STK39: variants seen among roughly 807,000 people sequenced by gnomAD.
STK39 encodes the protein serine/threonine kinase 39.
Under a neutral mutation model 77.8 loss-of-function variants are expected in STK39, and 20 were observed. That is an observed-to-expected ratio of 0.26 (90% CI 0.18 to 0.37). The LOEUF is 0.37. Among genes scored for constraint, STK39 ranks in the 10% least tolerant of loss-of-function variants. The pLI, the probability that STK39 is intolerant of heterozygous loss-of-function variation, is 1.00. For missense variants in STK39, 479 were observed against 656.5 expected (o/e 0.73, Z 2.95); for synonymous variants, 246 against 234.1 (o/e 1.05, Z -0.47).
At chr2:168,214,056 T>C (rs1032695968) in intron 1 of STK39, among the ~76,000 whole-genome samples, 1 of 152,102 alleles carries the variant, frequency 6.6e-6, no homozygotes, top group African/African-American at 2.4e-5. Flanking sequence ...GAGAGGCCGG[T>C]GGACAACAGT....
At chr2:168,242,560 A>ATAT (rs1553464984) in intron 1 of STK39, among the ~76,000 whole-genome samples, 29 of 44,840 alleles carry the variant, frequency 6.5e-4, no homozygotes, top group Admixed American at 7.7e-4. Context: ...AAAAAAAAAA[A>ATAT]ATATATATAT....
At chr2:167,965,885 C>G (rs1692145177) in intron 16 of STK39, among the ~76,000 whole-genome samples, 1 of 152,150 alleles carries the variant, frequency 6.6e-6, no homozygotes, top group Non-Finnish European at 1.5e-5. Context: ...CTAAGGTCGA[C>G]TGACAACAAC....
In STK39 at chr2:168,176,943, C is replaced by T. The variant is rs76654988; in HGVS notation, c.321+5035G>A. 4.4e-3 allele frequency among the ~76,000 whole-genome samples: 670 copies of T among 152,220 alleles called. 6 individuals are homozygous for T. Among genetic ancestry groups the T allele is most frequent in the African/African-American group, 0.015 (641 of 41,546 alleles). ...GGTTTTGTTAATATACTTTTAAATA[C>T]ATAGATTCATAGCACTTGGGTAATA... On this transcript the variant is annotated intron_variant, in intron 2 of 17. Transcript: ENST00000355999.
intron 14 of STK39, among the ~76,000 whole-genome samples, chr2:168,029,539 T>C (rs1478083357): frequency 1.3e-5 from 2 of 152,206 alleles, no homozygotes; most frequent in Non-Finnish European, 1.5e-5. Flanking sequence ...ATGGCATTTC[T>C]GCTGGGAGCT....
chr2:168,010,842 TA>T (rs748494737), intron 16 of STK39, among the ~76,000 whole-genome samples: 2 of 152,234 alleles, frequency 1.3e-5, no homozygotes, highest in Admixed American at 6.5e-5. Context: ...TACTCTTATT[TA>T]CATAAAATAA....
chr2:168,247,544 C>CCCGCCGCCGCCA lies in STK39; in HGVS notation c.-110_-109insTGGCGGCGGCGG. On this transcript the variant is annotated 5_prime_UTR_variant, in exon 1 of 18. Coordinates refer to ENST00000355999, the MANE Select transcript of STK39 (RefSeq NM_013233.3). ...TCTCGGCCGGCGCACGCCCTCCCCG[C>CCCGCCGCCGCCA]CCGCCGCCGCCGCCGCCGTCCCCGC... 2.1e-6 allele frequency: 1 copy of CCCGCCGCCGCCA among 478,040 alleles called. No homozygotes were observed. Among genetic ancestry groups the CCCGCCGCCGCCA allele is most frequent in the Non-Finnish European group, 2.9e-6 (1 of 348,370 alleles). 29.6% of individuals were successfully genotyped at this position (478,040 alleles called of 1,614,324 possible). A position where few individuals can be genotyped will look rare whatever the true frequency, so the allele number is the denominator to read the frequency against.
chr2:167,977,708 T>G (rs1683316623), intron 16 of STK39, among the ~76,000 whole-genome samples: 1 of 152,178 alleles, frequency 6.6e-6, no homozygotes, highest in Non-Finnish European at 1.5e-5. Context: ...CCCTCTGAAT[T>G]GTGGGCAAAA....
intron 1 of STK39, among the ~76,000 whole-genome samples, chr2:168,236,450 G>T (rs981414181): frequency 1.3e-5 from 2 of 152,162 alleles, no homozygotes; most frequent in African/African-American, 4.8e-5. Flanking sequence ...AAGCTGTTTA[G>T]TTTAATTACA....
At chr2:167,956,728 T>TCCC (rs1235889078) in intron 17 of STK39, among the ~76,000 whole-genome samples, 81 of 53,554 alleles carry the variant, frequency 1.5e-3, no homozygotes, top group Non-Finnish European at 1.9e-3. Flanking sequence ...TCTCTCTCTC[T>TCCC]CCCCCCCCGC....
At chr2:168,194,883 T>C (rs923255861) in intron 1 of STK39, among the ~76,000 whole-genome samples, 7 of 152,186 alleles carry the variant, frequency 4.6e-5, no homozygotes, top group Admixed American at 4.6e-4. Flanking sequence ...TATTGATTTT[T>C]TTTTAATTGA....
intron 14 of STK39, among the ~76,000 whole-genome samples, chr2:168,028,154 A>G (rs1268707637): frequency 6.6e-6 from 1 of 151,780 alleles, no homozygotes; most frequent in African/African-American, 2.4e-5. Context: ...TTTTTTCTCT[A>G]TTACATAATA....
chr2:168,033,197 C>T (rs145328427), intron 14 of STK39, among the ~76,000 whole-genome samples: 81 of 151,630 alleles, frequency 5.3e-4, no homozygotes, highest in African/African-American at 1.8e-3. Context: ...TTTCTAGGTA[C>T]GGAAGTCAGC....
chr2:168,092,905 G>A (rs73019411), intron 10 of STK39, among the ~76,000 whole-genome samples: 2,688 of 152,264 alleles, frequency 0.018, 47 homozygotes, highest in East Asian at 0.085. Flanking sequence ...TGCAGGCTAC[G>A]CACTCCCAGG....
intron 16 of STK39, among the ~76,000 whole-genome samples, chr2:167,995,738 G>A (rs572363805): frequency 1.3e-5 from 2 of 152,316 alleles, no homozygotes; most frequent in South Asian, 2.1e-4. Flanking sequence ...AAAGGAGAAT[G>A]GATTTAGGCT....
intron 14 of STK39, among the ~76,000 whole-genome samples, 158 bp from the exon 15 acceptor site, chr2:168,017,253 A>G (rs16854564): frequency 0.29 from 43,758 of 152,036 alleles, 7,678 homozygotes; most frequent in African/African-American, 0.5. Flanking sequence ...AGATAGTTAT[A>G]ACAGTAATAA....
chr2:168,229,674 C>G (rs986264165), intron 1 of STK39, among the ~76,000 whole-genome samples: 10 of 152,096 alleles, frequency 6.6e-5, no homozygotes, highest in African/African-American at 2.2e-4. Flanking sequence ...GCACAGATAA[C>G]GTGTTATTTT....
intron 12 of STK39, among the ~76,000 whole-genome samples, chr2:168,072,554 C>T (rs1443456488): frequency 6.6e-6 from 1 of 152,156 alleles, no homozygotes; most frequent in Non-Finnish European, 1.5e-5. Flanking sequence ...TTTACCTACT[C>T]CCATAAGAAC....
chr2:168,065,351 G>T lies in STK39; in HGVS notation c.1273C>A (p.Gln425Lys). The T allele has an allele frequency of 1.2e-6, 2 of 1,614,100 alleles. No homozygotes were observed. The change falls in exon 13 of 18, where the codon CAA becomes AAA. Residue 425 changes from glutamine (Q) to lysine (K), a missense_variant. Gln to Lys is a moderately conservative substitution (Grantham distance 53, BLOSUM62 1). Coordinates refer to ENST00000355999, the MANE Select transcript of STK39 (RefSeq NM_013233.3). Reference sequence around the variant, plus strand: ...TCGTGCACAGAGAGGGACTGTATTTGTTCGGGGATGGTGCTGGCACTCACT... The same window carrying T: ...TCGTGCACAGAGAGGGACTGTATTTTTTCGGGGATGGTGCTGGCACTCACT... ...IAVSASTIPE[Q>K]IQSLSVHDSQ... is the part of the protein sequence containing the mutation.
At chr2:168,146,478 C>T (rs181815792) in intron 5 of STK39, among the ~76,000 whole-genome samples, 1 of 152,198 alleles carries the variant, frequency 6.6e-6, no homozygotes, top group African/African-American at 2.4e-5. Context: ...AAAAGAGACA[C>T]TGATGCCTAA....
Sources: allele counts gnomAD v4.1 joint callset (sites outside exome capture counted in the v4.1 genomes callset), GRCh38; gene constraint gnomAD v4.1.1; transcripts MANE v1.5; gene names NCBI Gene and HGNC (gene_info 2026-07-23, HGNC 2026-07-21).